The following CDK13 variants were observed in gnomAD, a reference collection of about 807,000 sequenced individuals.
CDK13 encodes cyclin dependent kinase 13.
Under a neutral mutation model 137.6 loss-of-function variants are expected in CDK13, and 40 were observed. The ratio of observed to expected loss-of-function variants is 0.29; its 90% CI spans 0.23 to 0.38. The LOEUF is 0.38. CDK13 is among the 10% of genes least tolerant of loss of function. The probability of loss-of-function intolerance (pLI) is 1.00; values close to 1 mark genes in which losing one functional copy is unlikely to be tolerated. For missense variants in CDK13, 1,704 were observed against 1,951.8 expected, an observed-to-expected ratio of 0.87 and a Z score of 2.39; for synonymous variants, 869 against 760.1, an observed-to-expected ratio of 1.14 and a Z score of -2.36.
Position 39,951,177 on chromosome 7 carries a change from G to A in CDK13, c.536G>A (p.Gly179Glu), listed in dbSNP as rs1341663252. 4.0e-6 allele frequency: 5 copies of A among 1,243,398 alleles called. No individual in the cohort carries two copies. Among genetic ancestry groups the A allele is most frequent in the Non-Finnish European group, 5.0e-6 (5 of 995,714 alleles). The allele number at this position is 1,243,398 out of a possible 1,614,324, so 77.0% of individuals were successfully genotyped here. A position where few individuals can be genotyped will look rare whatever the true frequency, so the allele number is the denominator to read the frequency against. Residue 179 changes from glycine to glutamate, a missense_variant, in exon 1 of 14, where the codon GGG (glycine) becomes GAG (glutamate). Transcript: ENST00000181839. The stretch of plus-strand genomic sequence containing the variant: ...GCCGGGGGAACGGGGGGCAGCGGCG[G>A]GAGTCCGGCCTCCTCCTCCGGCACC... ...TAAGGTGGSG[G>E]SPASSSGTQR... is the part of the protein sequence containing the mutation.
intron 5 of CDK13, among the ~76,000 whole-genome samples, chr7:40,040,009 C>CTT (rs751184920): frequency 3.5e-4 from 47 of 133,512 alleles, no homozygotes; most frequent in Non-Finnish European, 5.1e-4. Context: ...GATTCATTTG[C>CTT]TTTTTTTTTT....
chr7:40,079,882 T>G (rs1786629293), intron 11 of CDK13, among the ~76,000 whole-genome samples: 1 of 152,236 alleles, frequency 6.6e-6, no homozygotes, highest in Non-Finnish European at 1.5e-5. Flanking sequence ...AAATGGCTCC[T>G]GTTATTTCTC....
rs1786494176 is a variant in CDK13, at chr7:40,074,381, G to A, written c.2781-3624G>A. Among the ~76,000 whole-genome samples, 3 of 151,998 alleles carry A rather than the reference G, an allele frequency of 2.0e-5. 1 individual carries two copies. The highest frequency in any genetic ancestry group is 1.3e-4 in the Admixed American group (2 of 15,262). ...ACTAAAAATACAAAAAAATTAGCCG[G>A]GTGTGGTGGCAGGTGCTTGTAGTCC... On this transcript the variant is annotated intron_variant, in intron 9 of 13. Transcript: ENST00000181839.
chr7:40,007,117 G>A (rs995614594), intron 5 of CDK13, among the ~76,000 whole-genome samples: 3 of 151,990 alleles, frequency 2.0e-5, no homozygotes, highest in African/African-American at 7.3e-5. Flanking sequence ...ATGGTATCCT[G>A]GACACCCAAA....
chr7:39,989,784 C>CTT (rs1337667375), intron 2 of CDK13, among the ~76,000 whole-genome samples: 18 of 138,952 alleles, frequency 1.3e-4, no homozygotes, highest in Admixed American at 2.2e-4. Flanking sequence ...CTACTTTATC[C>CTT]TTTTTTTTTT....
chr7:39,988,777 A>G (rs536944915), intron 2 of CDK13, among the ~76,000 whole-genome samples: 20 of 152,264 alleles, frequency 1.3e-4, no homozygotes, highest in African/African-American at 4.3e-4. Flanking sequence ...TAATCACATT[A>G]TATTATAGAA....
At chr7:39,997,952 A>G (rs1427013111) in intron 3 of CDK13, 5 of 266,646 alleles carry the variant, frequency 1.9e-5, no homozygotes, top group African/African-American at 2.3e-5. Flanking sequence ...TTGAAATAAC[A>G]CAAACACTGA....
intron 1 of CDK13, chr7:39,985,729 A>G (rs1784322909): frequency 6.6e-6 from 1 of 152,230 alleles, no homozygotes; most frequent in African/African-American, 2.4e-5. Flanking sequence ...AATAGAATCC[A>G]ACTCAGATCT....
At position 40,093,161 on chromosome 7, in the gene CDK13, A is replaced by G. The variant is rs1251711224; in HGVS notation, c.3612A>G (p.Glu1204=). Residue 1204 remains glutamate (E), a synonymous_variant, in exon 13 of 14, where the codon GAA becomes GAG. Coordinates refer to ENST00000181839, the MANE Select transcript of CDK13 (RefSeq NM_003718.5). ...QQSKQKDVLL[E]ERENGSGHEA... ...CAAAGCAGAAAGATGTGCTACTAGA[A>G]GAGAGGGAAAATGGATCGGGACATG... 1.9e-6 allele frequency: 3 copies of G among 1,614,102 alleles called. No individual in the cohort carries two copies. Among genetic ancestry groups the G allele is most frequent in the Non-Finnish European group, 2.5e-6 (3 of 1,180,056 alleles).
At chr7:40,030,548 G>A (rs188580394) in intron 5 of CDK13, among the ~76,000 whole-genome samples, 17 of 149,166 alleles carry the variant, frequency 1.1e-4, no homozygotes, top group East Asian at 4.0e-4. Flanking sequence ...TTACAGGTGC[G>A]CACCACCATG....
chr7:39,991,227 T>C (rs987789218), intron 2 of CDK13, among the ~76,000 whole-genome samples: 2 of 152,258 alleles, frequency 1.3e-5, no homozygotes, highest in Admixed American at 1.3e-4. Context: ...AAGTGGTTTA[T>C]AAACTATTTC....
intron 7 of CDK13, among the ~76,000 whole-genome samples, chr7:40,054,761 C>T (rs1462796828): frequency 6.6e-6 from 1 of 152,026 alleles, no homozygotes; most frequent in African/African-American, 2.4e-5. Context: ...TGGTTAATCA[C>T]TTAAGGTTTA....
At chr7:40,042,061 G>A (rs1785617583) in intron 5 of CDK13, among the ~76,000 whole-genome samples, 2 of 152,052 alleles carry the variant, frequency 1.3e-5, no homozygotes, top group South Asian at 4.2e-4. Flanking sequence ...ATTTTCTGTT[G>A]TGGGATTGGT....
At position 39,950,633 on chromosome 7, in the gene CDK13, C is replaced by G. The variant is rs1456487987; in HGVS notation, c.-9C>G. The G allele has an allele frequency of 3.0e-6, 4 of 1,316,994 alleles. No homozygotes were observed. Among genetic ancestry groups the G allele is most frequent in the Non-Finnish European group, 3.9e-6 (4 of 1,035,384 alleles). The allele number at this position is 1,316,994 out of a possible 1,614,324, so 81.6% of individuals were successfully genotyped here. A position where few individuals can be genotyped will look rare whatever the true frequency, so the allele number is the denominator to read the frequency against. ...CACCCGCGCCGCGCTCTGCGGCTGG[C>G]TCTAGGCGATGCCGAGCAGCTCGGA... is the stretch of plus-strand genomic sequence containing the variant. On this transcript the variant is annotated 5_prime_UTR_variant, in exon 1 of 14. Transcript: ENST00000181839.
chr7:39,988,913 C>A (rs1190316335), intron 2 of CDK13, among the ~76,000 whole-genome samples: 2 of 151,658 alleles, frequency 1.3e-5, no homozygotes, highest in African/African-American at 4.8e-5. Context: ...GAAACCCCGT[C>A]TCTACTAAAA....
Position 39,976,049 on chromosome 7 carries a change from G to T in CDK13, c.1212-11550G>T. On this transcript the variant is annotated intron_variant, in intron 1 of 13. Coordinates refer to ENST00000181839, the MANE Select transcript of CDK13 (RefSeq NM_003718.5). ...AAACAGGATCACACCTGTACTCCCAGCACTTTGGGAGGCCGAGATGGGCGG... is the reference window on the plus strand; with the variant it reads ...AAACAGGATCACACCTGTACTCCCATCACTTTGGGAGGCCGAGATGGGCGG... Among the ~76,000 whole-genome samples the T allele has an allele frequency of 1.3e-5, 2 of 152,080 alleles. 1 individual carries two copies. Among genetic ancestry groups the T allele is most frequent in the Middle Eastern group, 6.3e-3 (2 of 316 alleles).
chr7:40,035,678 A>G (rs1785466183), intron 5 of CDK13, among the ~76,000 whole-genome samples: 1 of 152,076 alleles, frequency 6.6e-6, no homozygotes, highest in Non-Finnish European at 1.5e-5. Flanking sequence ...GGTGAGTTGT[A>G]TAACTATTTC....
At position 39,951,826 on chromosome 7, in the gene CDK13, TCGCAGTCCCTA is replaced by T; in HGVS notation, c.1187_1197del (p.Arg396GlnfsTer19). 1 of 1,456,146 alleles carries T rather than the reference TCGCAGTCCCTA, an allele frequency of 6.9e-7. No homozygotes were observed. 90.2% of individuals were successfully genotyped at this position (1,456,146 alleles called of 1,614,324 possible). On this transcript the variant is annotated frameshift_variant, in exon 1 of 14. Coordinates refer to ENST00000181839, the MANE Select transcript of CDK13 (RefSeq NM_003718.5). LOFTEE classifies it high-confidence loss of function. ...ACAGCAGCAGCAGCTGGCGCCGCTC[TCGCAGTCCCTA>T]CAGCCCTGTGCTCAGGTGAGTTCTG...
chr7:40,016,596 A>G (rs980531871), intron 5 of CDK13, among the ~76,000 whole-genome samples: 3 of 152,166 alleles, frequency 2.0e-5, no homozygotes, highest in Admixed American at 6.5e-5. Context: ...ATGTATTTAT[A>G]GAAATACATC....
Sources: allele counts gnomAD v4.1 joint callset (sites outside exome capture counted in the v4.1 genomes callset), GRCh38; gene constraint gnomAD v4.1.1; transcripts MANE v1.5; gene names NCBI Gene and HGNC (gene_info 2026-07-23, HGNC 2026-07-21).